Variants in SATB2 observed in about 807,000 individuals in gnomAD.
The protein encoded by SATB2 is DNA-binding protein SATB2.
In SATB2, 1 loss-of-function variant was observed where a neutral mutation model predicts 73.4. The ratio of observed to expected loss-of-function variants is 0.01; its 90% confidence interval spans 0.00 to 0.06. The LOEUF is 0.06. Ranked by LOEUF, SATB2 falls within the 10% of genes least tolerant of loss-of-function variation. The probability of loss-of-function intolerance (pLI) is 1.00; values close to 1 mark genes in which losing one functional copy is unlikely to be tolerated. For missense variants in SATB2, 459 were observed against 945.8 expected (o/e 0.49, Z 6.75); for synonymous variants, 397 against 367.0 (o/e 1.08, Z -0.93).
intron 6 of SATB2, among the ~76,000 whole-genome samples, chr2:199,365,638 C>CA (rs1283977868): frequency 6.6e-6 from 1 of 152,048 alleles, no homozygotes; most frequent in Admixed American, 6.6e-5. Flanking sequence ...ACAACAAATT[C>CA]AAAAAATGCA....
At chr2:199,441,184 A>G (rs2105938145) in intron 2 of SATB2, among the ~76,000 whole-genome samples, 2 of 152,244 alleles carry the variant, frequency 1.3e-5, no homozygotes, top group Middle Eastern at 6.8e-3. Context: ...AGCCATACAT[A>G]CAATAATTCA....
chr2:199,346,125 A>T (rs1688643318), intron 7 of SATB2, among the ~76,000 whole-genome samples: 1 of 152,026 alleles, frequency 6.6e-6, no homozygotes, highest in Non-Finnish European at 1.5e-5. Context: ...CCCAACCATT[A>T]ACAAAAACTT....
upstream of SATB2, among the ~76,000 whole-genome samples, chr2:199,459,092 G>A (rs1475816266): frequency 6.6e-6 from 1 of 152,064 alleles, no homozygotes; most frequent in Non-Finnish European, 1.5e-5. The surrounding 1 kb of genome is among the most constrained non-coding windows in gnomAD (Gnocchi z 4.2). Flanking sequence ...GTGCAAACCG[G>A]GCCGCCTGGA....
At chr2:199,298,279 C>T (rs948856246) in intron 10 of SATB2, among the ~76,000 whole-genome samples, 13 of 152,168 alleles carry the variant, frequency 8.5e-5, no homozygotes, top group Admixed American at 5.9e-4. Flanking sequence ...GCCTCTACAA[C>T]GTCAGAGCTC....
At chr2:199,445,752 C>T (rs1402462606) in intron 2 of SATB2, among the ~76,000 whole-genome samples, 1 of 152,072 alleles carries the variant, frequency 6.6e-6, no homozygotes, top group Non-Finnish European at 1.5e-5. Context: ...TCTTATACTC[C>T]GTCGATACTA....
intron 6 of SATB2, among the ~76,000 whole-genome samples, chr2:199,357,923 T>C (rs1296819219): frequency 3.9e-5 from 6 of 152,124 alleles, no homozygotes; most frequent in Non-Finnish European, 8.8e-5. Context: ...AAACTGGGTA[T>C]GCACACTCAC....
rs1462719597 is a variant in SATB2, at chr2:199,348,797, T to C, written c.1077A>G (p.Glu359=). 6.2e-7 allele frequency: 1 copy of C among 1,611,888 alleles called. No homozygotes were observed. The change falls in exon 7 of 11, where the codon GAA becomes GAG. Residue 359 remains glutamate (E), a synonymous_variant. Transcript: ENST00000417098. ...CTTGCTGGTAGATATCTGGAGAGACTTCCACGGAAGAGTTGGTTGGCTCTG... is the reference window on the plus strand; with the variant it reads ...CTTGCTGGTAGATATCTGGAGAGACCTCCACGGAAGAGTTGGTTGGCTCTG... The part of the protein sequence containing the change: ...VKPEPTNSSV[E]VSPDIYQQVR...
Position 199,271,815 on chromosome 2 carries a change from C to T in SATB2, c.*396G>A, listed in dbSNP as rs1450697829. The T allele has an allele frequency of 3.3e-6, 1 of 299,210 alleles. No individual in the cohort carries two copies. Among genetic ancestry groups the T allele is most frequent in the African/African-American group, 2.2e-5 (1 of 46,080 alleles). The allele number at this position is 299,210 out of a possible 1,614,324, so 18.5% of individuals were successfully genotyped here. On this transcript the variant is annotated 3_prime_UTR_variant, in exon 11 of 11. Transcript: ENST00000417098. ...ATATATACATATACATATACACACA[C>T]ACTTGTAGCTTCCTTCATTTATTTC...
At chr2:199,396,779 C>T (rs1411266637) in intron 3 of SATB2, 1 of 152,054 alleles carries the variant, frequency 6.6e-6, no homozygotes, top group Non-Finnish European at 1.5e-5. Flanking sequence ...CTAATCAGGC[C>T]CAACGGAAGG....
At chr2:199,450,933 A>G (rs1334861358) in intron 2 of SATB2, among the ~76,000 whole-genome samples, 1 of 152,126 alleles carries the variant, frequency 6.6e-6, no homozygotes, top group East Asian at 1.9e-4. Context: ...ACAGAGATAG[A>G]TTGGTTAAAA....
intron 10 of SATB2, among the ~76,000 whole-genome samples, chr2:199,299,993 G>C (rs879300480): frequency 2.0e-5 from 3 of 152,098 alleles, no homozygotes; most frequent in Admixed American, 1.3e-4. Flanking sequence ...GGGAAAGAAG[G>C]ATGCATTTTA....
intron 3 of SATB2, among the ~76,000 whole-genome samples, chr2:199,388,994 A>G (rs1177191118): frequency 6.6e-6 from 1 of 152,162 alleles, no homozygotes; most frequent in African/African-American, 2.4e-5. Context: ...ATCCTATATA[A>G]TAAGAACATA....
In SATB2 at chr2:199,408,946, G is replaced by T. The variant is rs528107015; in HGVS notation, c.346+24392C>A. ...TGAACATAATGAGGGAGTGGGAAAA[G>T]ATATATTAATTATGTTTTATGGCTC... On this transcript the variant is annotated intron_variant, in intron 3 of 10. Transcript: ENST00000417098. 2.0e-5 allele frequency among the ~76,000 whole-genome samples: 3 copies of T among 152,170 alleles called. No homozygotes were observed. In the East Asian group the frequency reaches 5.8e-4, roughly 29 times the overall value.
In SATB2 at chr2:199,376,533, G is replaced by T. The variant is rs555948316; in HGVS notation, c.597+3831C>A. ...AGTGGCATCTAGTGGGTAATGGACG[G>T]GGATGCTGCAAGGCACAGGACAGCC... is the stretch of plus-strand genomic sequence containing the variant. On this transcript the variant is annotated intron_variant, in intron 5 of 10. Transcript: ENST00000417098. Among the ~76,000 whole-genome samples, 6 of 152,224 alleles carry T rather than the reference G, an allele frequency of 3.9e-5. No homozygotes were observed. The East Asian group carries it at 9.7e-4, about 25-fold the overall frequency.
At chr2:199,379,661 A>C (rs1689706758) in intron 5 of SATB2, among the ~76,000 whole-genome samples, 4 of 148,936 alleles carry the variant, frequency 2.7e-5, no homozygotes, top group Admixed American at 2.0e-4. Flanking sequence ...TATATGTAAA[A>C]CGTCTATTTT....
At chr2:199,402,970 A>G (rs1367945898) in intron 3 of SATB2, among the ~76,000 whole-genome samples, 1 of 152,222 alleles carries the variant, frequency 6.6e-6, no homozygotes, top group African/African-American at 2.4e-5. Context: ...GGTTAACTGT[A>G]ATAACAAGAA....
At chr2:199,397,710 G>A in intron 3 of SATB2, 1 of 370,502 alleles carries the variant, frequency 2.7e-6, no homozygotes, top group Non-Finnish European at 5.4e-6. Flanking sequence ...CCAATATAGT[G>A]AAACCCTATT....
chr2:199,423,272 G>A (rs769278200), intron 3 of SATB2, among the ~76,000 whole-genome samples: 3 of 151,966 alleles, frequency 2.0e-5, no homozygotes. Flanking sequence ...TATGTATTTG[G>A]TTCTTTGCTG....
At chr2:199,375,079 T>C (rs1274882646) in intron 5 of SATB2, among the ~76,000 whole-genome samples, 1 of 152,090 alleles carries the variant, frequency 6.6e-6, no homozygotes, top group African/African-American at 2.4e-5. Context: ...CTGGTACCTC[T>C]ACTTATTTAA....
Sources: gnomAD v4.1 joint callset for allele counts (sites outside exome capture counted in the v4.1 genomes callset) on GRCh38, gnomAD v4.1.1 for gene constraint, Gnocchi (gnomAD v3.1) non-coding constraint, MANE v1.5 for transcripts, NCBI Gene and HGNC (gene_info 2026-07-23, HGNC 2026-07-21) for gene names.